FBXO11: variants seen among roughly 807,000 people sequenced by gnomAD.
FBXO11 encodes F-box only protein 11.
In FBXO11, 13 loss-of-function variants were observed where a neutral mutation model predicts 117.0. That is an observed-to-expected ratio of 0.11 (90% CI 0.07 to 0.18). The LOEUF (loss-of-function observed/expected upper bound fraction) is 0.18, where lower values mean the gene tolerates loss of function less well. Ranked by LOEUF, FBXO11 falls within the 10% of genes least tolerant of loss-of-function variation. The pLI, the probability that FBXO11 is intolerant of heterozygous loss-of-function variation, is 1.00. For missense variants in FBXO11, 767 were observed against 1,164.4 expected (o/e 0.66, Z 4.97); for synonymous variants, 490 against 380.5 (o/e 1.29, Z -3.35).
chr2:47,814,935 A>G (rs1164532995), intron 16 of FBXO11, among the ~76,000 whole-genome samples: 2 of 151,988 alleles, frequency 1.3e-5, no homozygotes, highest in Non-Finnish European at 2.9e-5. Flanking sequence ...CTCAAGAAAA[A>G]CCACTCTTTG....
intron 1 of FBXO11, among the ~76,000 whole-genome samples, chr2:47,886,678 A>G (rs1284702752): frequency 6.6e-6 from 1 of 152,160 alleles, no homozygotes; most frequent in Non-Finnish European, 1.5e-5. Context: ...TGCAACTGTA[A>G]AAAAGAATGA....
rs185435937 is a variant in FBXO11, at chr2:47,883,660, T to A, written c.232+21829A>T. 6.8e-5 allele frequency: 19 copies of A among 280,452 alleles called. No homozygotes were observed. The East Asian group carries it at 1.6e-3, about 23-fold the overall frequency. The allele number at this position is 280,452 out of a possible 1,614,324, so 17.4% of individuals were successfully genotyped here. Reference sequence around the variant, plus strand: ...ATTCAAAAGGAGTCTACTCTTCATCTTGTGTTGAGACTTTGTGATGTTATC... The same window carrying A: ...ATTCAAAAGGAGTCTACTCTTCATCATGTGTTGAGACTTTGTGATGTTATC... On this transcript the variant is annotated intron_variant, in intron 1 of 22. Coordinates refer to ENST00000403359, the MANE Select transcript of FBXO11 (RefSeq NM_001190274.2).
intron 4 of FBXO11, among the ~76,000 whole-genome samples, chr2:47,837,330 C>T (rs540439524): frequency 3.3e-4 from 51 of 152,262 alleles, no homozygotes; most frequent in African/African-American, 1.2e-3. Flanking sequence ...AGTTCAAGAC[C>T]AGCCTAGCCA....
intron 17 of FBXO11, 98 bp downstream of exon 17, chr2:47,813,693 A>G: frequency 3.0e-6 from 3 of 990,570 alleles, no homozygotes; most frequent in Non-Finnish European, 3.1e-6. Context: ...TCGGCCTCCC[A>G]AAGTGCTGGG....
Position 47,839,748 on chromosome 2 carries a change from A to G in FBXO11, c.254T>C (p.Met85Thr). The part of the protein sequence containing the change: ...GERDDDVPAD[M>T]VAEESGPGAQ... ...ACCAGGACCTGATTCTTCTGCAACC[A>G]TATCTGCAGGCACATCATCATCTGT... Residue 85 changes from methionine (M) to threonine (T), a missense_variant, in exon 2 of 23, where the codon ATG becomes ACG. Transcript: ENST00000403359. 1.2e-6 allele frequency: 2 copies of G among 1,613,536 alleles called. No individual in the cohort carries two copies. The highest frequency in any genetic ancestry group is 8.5e-7 in the Non-Finnish European group (1 of 1,179,862).
rs530118616 is a variant in FBXO11 at position 47,902,403 on chromosome 2, G to T, written c.232+3086C>A. The stretch of plus-strand genomic sequence containing the variant: ...AGACCAATATTTCCTTACGTGGGGT[G>T]TAAGAAATGCTCCCCCATGGAAAGC... On this transcript the variant is annotated intron_variant, in intron 1 of 22. Coordinates refer to ENST00000403359, the MANE Select transcript of FBXO11 (RefSeq NM_001190274.2). Among the ~76,000 whole-genome samples the T allele has an allele frequency of 1.6e-4, 24 of 152,322 alleles. 1 individual carries two copies. The South Asian group carries it at 4.8e-3, about 30-fold the overall frequency.
chr2:47,838,403 A>T (rs749958876), intron 4 of FBXO11, among the ~76,000 whole-genome samples: 3 of 148,312 alleles, frequency 2.0e-5, no homozygotes, highest in Non-Finnish European at 2.9e-5. Flanking sequence ...TCTGTACATA[A>T]AGCAAAAAAA....
At chr2:47,886,060 C>G (rs1676814970) in intron 1 of FBXO11, among the ~76,000 whole-genome samples, 1 of 145,626 alleles carries the variant, frequency 6.9e-6, no homozygotes, top group Non-Finnish European at 1.6e-5. Flanking sequence ...TTTTTAAAAA[C>G]AAATTTGGCA....
At chr2:47,860,410 ATTT>A (rs777150310) in intron 1 of FBXO11, among the ~76,000 whole-genome samples, 4 of 138,956 alleles carry the variant, frequency 2.9e-5, no homozygotes, top group East Asian at 2.1e-4. Flanking sequence ...TTTACCCTGG[ATTT>A]TTTTTTTTTT....
intron 21 of FBXO11, chr2:47,808,810 A>T (rs915215932): frequency 2.3e-5 from 6 of 259,878 alleles, no homozygotes; most frequent in African/African-American, 1.1e-4. Flanking sequence ...ACACAACATG[A>T]GTTACATGAA....
At chr2:47,870,765 A>C (rs1675564734) in intron 1 of FBXO11, among the ~76,000 whole-genome samples, 1 of 152,214 alleles carries the variant, frequency 6.6e-6, no homozygotes, top group Admixed American at 6.5e-5. Context: ...TAGTATGAGC[A>C]CTCACAAATT....
At chr2:47,830,428 G>A (rs1247856735) in intron 11 of FBXO11, among the ~76,000 whole-genome samples, 2 of 151,852 alleles carry the variant, frequency 1.3e-5, no homozygotes, top group Non-Finnish European at 2.9e-5. Context: ...GCCATACCAA[G>A]AATGAATCAA....
intron 4 of FBXO11, among the ~76,000 whole-genome samples, chr2:47,837,855 G>A (rs552242084): frequency 3.2e-4 from 48 of 151,954 alleles, no homozygotes; most frequent in Admixed American, 1.0e-3. Context: ...CTCAGCCTCC[G>A]GAGTAGCTGG....
Position 47,891,590 on chromosome 2 carries a change from T to C in FBXO11, c.232+13899A>G, listed in dbSNP as rs143338202. 5.1e-4 allele frequency among the ~76,000 whole-genome samples: 78 copies of C among 152,358 alleles called. 1 individual carries two copies. In the East Asian group the frequency reaches 0.014, roughly 28 times the overall value. On this transcript the variant is annotated intron_variant, in intron 1 of 22. Transcript: ENST00000403359. ...AGTGCCATTATAAACATGGGAGTGC[T>C]AGTATTTCTTCAAGTTCCTGATTTC...
intron 13 of FBXO11, among the ~76,000 whole-genome samples, chr2:47,821,645 C>T (rs1462692084): frequency 6.6e-6 from 1 of 150,812 alleles, no homozygotes; most frequent in Non-Finnish European, 1.5e-5. Context: ...TTGAGCCGGG[C>T]ATGGTAGCAT....
intron 11 of FBXO11, among the ~76,000 whole-genome samples, chr2:47,828,944 C>T (rs1671973963): frequency 6.6e-6 from 1 of 152,082 alleles, no homozygotes; most frequent in African/African-American, 2.4e-5. Context: ...CAGAGTCTCA[C>T]TCCTCTGTCG....
chr2:47,865,373 A>G (rs1214550688), intron 1 of FBXO11, among the ~76,000 whole-genome samples: 1 of 152,196 alleles, frequency 6.6e-6, no homozygotes, highest in Non-Finnish European at 1.5e-5. Context: ...GACTTCTGAG[A>G]TATGTTCTAA....
chr2:47,858,221 G>C (rs1674465432), intron 1 of FBXO11, among the ~76,000 whole-genome samples: 1 of 151,800 alleles, frequency 6.6e-6, no homozygotes, highest in African/African-American at 2.4e-5. Flanking sequence ...TGTTGGCCAG[G>C]CTGGTCTTGA....
chr2:47,858,681 CAAAAAAAAA>C (rs902232765), intron 1 of FBXO11, among the ~76,000 whole-genome samples: 1 of 67,496 alleles, frequency 1.5e-5, no homozygotes, highest in African/African-American at 5.7e-5. Flanking sequence ...GACTCTGCCT[CAAAAAAAAA>C]AAAAAAAAAA....
Sources: allele counts gnomAD v4.1 joint callset (sites outside exome capture counted in the v4.1 genomes callset), GRCh38; gene constraint gnomAD v4.1.1; transcripts MANE v1.5; gene names NCBI Gene and HGNC (gene_info 2026-07-23, HGNC 2026-07-21).